Variants in LEKR1 observed in about 807,000 individuals in gnomAD.
LEKR1 encodes protein LEKR1.
A neutral mutation model predicts 72.4 loss-of-function variants in LEKR1; 59 were observed. The observed-to-expected ratio is 0.82, with a 90% CI of 0.66 to 1.01. The LOEUF is 1.01. Among genes scored for constraint, LEKR1 ranks in the 50% least tolerant of loss-of-function variants. The pLI, the probability that LEKR1 is intolerant of heterozygous loss-of-function variation, is 0.00. For synonymous variants in LEKR1, 257 were observed against 263.2 expected (o/e 0.98, Z 0.23); for missense variants, 728 against 759.2 (o/e 0.96, Z 0.48).
chr3:156,832,244 C>T (rs1399781936), intron 2 of LEKR1, among the ~76,000 whole-genome samples: 2 of 152,166 alleles, frequency 1.3e-5, no homozygotes, highest in African/African-American at 4.8e-5. Flanking sequence ...GTCCTCACTT[C>T]AGGAATCCCT....
At chr3:156,856,510 A>G (rs942358255) in intron 3 of LEKR1, among the ~76,000 whole-genome samples, 1 of 152,094 alleles carries the variant, frequency 6.6e-6, no homozygotes, top group East Asian at 1.9e-4. Context: ...CTGGGATTGC[A>G]TTTACTTTCT....
At chr3:157,026,763 T>C in intron 11 of LEKR1, among the ~76,000 whole-genome samples, 1 of 152,352 alleles carries the variant, frequency 6.6e-6, no homozygotes, top group Non-Finnish European at 1.5e-5. Context: ...GTTGTGCTAA[T>C]ATTTATAACA....
At chr3:157,035,638 C>A (rs1734915164) in intron 12 of LEKR1, among the ~76,000 whole-genome samples, 1 of 152,164 alleles carries the variant, frequency 6.6e-6, no homozygotes, top group Admixed American at 6.5e-5. Context: ...GTGGCTCACA[C>A]CTGTAATCTC....
intron 3 of LEKR1, among the ~76,000 whole-genome samples, chr3:156,894,638 A>T (rs1244292274): frequency 2.9e-4 from 44 of 152,234 alleles, no homozygotes; most frequent in Non-Finnish European, 3.5e-4. Context: ...CCCAACTGCA[A>T]ACTATACTAC....
chr3:156,847,800 T>A (rs763115297), intron 2 of LEKR1, among the ~76,000 whole-genome samples: 2 of 152,246 alleles, frequency 1.3e-5, no homozygotes, highest in Non-Finnish European at 2.9e-5. Context: ...TCTTGTTTTC[T>A]ACATCATAAT....
chr3:156,936,426 A>AAAACACACACAC (rs1725705109), intron 5 of LEKR1, among the ~76,000 whole-genome samples: 1 of 76,898 alleles, frequency 1.3e-5, no homozygotes, highest in African/African-American at 9.3e-5. Flanking sequence ...GTACAATGAG[A>AAAACACACACAC]ACACACACAC....
At chr3:156,879,260 C>T (rs1718990111) in intron 3 of LEKR1, among the ~76,000 whole-genome samples, 2 of 152,100 alleles carry the variant, frequency 1.3e-5, no homozygotes, top group African/African-American at 4.8e-5. Flanking sequence ...GAGGTGGTCT[C>T]AGATGGGGAT....
At chr3:156,853,901 G>C (rs1377262562) in intron 3 of LEKR1, among the ~76,000 whole-genome samples, 1 of 151,950 alleles carries the variant, frequency 6.6e-6, no homozygotes, top group Non-Finnish European at 1.5e-5. Context: ...GGTTTTACCT[G>C]TCAGGGATTC....
intron 6 of LEKR1, among the ~76,000 whole-genome samples, chr3:156,954,561 C>A (rs1727451184): frequency 6.6e-6 from 1 of 152,000 alleles, no homozygotes; most frequent in Admixed American, 6.6e-5. Context: ...GGTCCAGTTT[C>A]AGTTTTCCAC....
At chr3:156,880,404 A>G (rs1719150727) in intron 3 of LEKR1, among the ~76,000 whole-genome samples, 1 of 152,244 alleles carries the variant, frequency 6.6e-6, no homozygotes. Context: ...ATCTAGAAGA[A>G]ATGGATAAAT....
chr3:156,980,766 A>G (rs1284254315), intron 7 of LEKR1, among the ~76,000 whole-genome samples: 2 of 152,200 alleles, frequency 1.3e-5, no homozygotes, highest in African/African-American at 4.8e-5. Flanking sequence ...TTGTGGGCAT[A>G]CCAAGACTTA....
Position 156,992,726 on chromosome 3 carries a change from T to C in LEKR1, c.901T>C (p.Ser301Pro). ...GAAGTTTGAATCCATTATTTCTGAG[T>C]CACAGTATGCATTACCAATTTTTAA... ...KLKFESIISE[S>P]QHTMLLKEKE... Residue 301 changes from serine to proline, a missense_variant, in exon 8 of 13, where the codon TCA (serine) becomes CCA (proline). Ser to Pro is a moderately conservative substitution (Grantham distance 74). Transcript: ENST00000356539. 1.0e-6 allele frequency: 1 copy of C among 958,380 alleles called. No individual in the cohort carries two copies. The highest frequency in any genetic ancestry group is 1.3e-6 in the Non-Finnish European group (1 of 752,282). 59.4% of individuals were successfully genotyped at this position (958,380 alleles called of 1,614,324 possible). A position where few individuals can be genotyped will look rare whatever the true frequency, so the allele number is the denominator to read the frequency against.
intron 7 of LEKR1, among the ~76,000 whole-genome samples, chr3:156,987,585 G>T (rs996319450): frequency 6.6e-6 from 1 of 152,104 alleles, no homozygotes; most frequent in African/African-American, 2.4e-5. Flanking sequence ...AAAAGTCATA[G>T]TTATATTTTG....
intron 12 of LEKR1, among the ~76,000 whole-genome samples, chr3:157,040,150 T>C (rs981774836): frequency 6.6e-6 from 1 of 152,144 alleles, no homozygotes; most frequent in South Asian, 2.1e-4. Context: ...TGAGAAGATA[T>C]ATTGAGAAAT....
rs571432328 is a variant in LEKR1 at position 157,009,241 on chromosome 3, AT to A, written c.1110-2171del. ...TTTAATAATTTATTTAACTCAAACT[AT>A]CCAAAACATTATTTAAATATGTAAT... is the stretch of plus-strand genomic sequence containing the variant. On this transcript the variant is annotated intron_variant, in intron 9 of 12. Coordinates refer to ENST00000356539, the MANE Select transcript of LEKR1 (RefSeq NM_001004316.3). Among the ~76,000 whole-genome samples, 623 of 152,252 alleles carry A rather than the reference AT, an allele frequency of 4.1e-3. 2 individuals carry two copies. Among genetic ancestry groups the A allele is most frequent in the African/African-American group, 0.014 (600 of 41,582 alleles).
At chr3:156,980,480 G>T (rs193044390) in intron 7 of LEKR1, among the ~76,000 whole-genome samples, 1 of 152,192 alleles carries the variant, frequency 6.6e-6, no homozygotes, top group East Asian at 1.9e-4. Flanking sequence ...TTGGTGGACG[G>T]GGGTCCTTAG....
intron 12 of LEKR1, among the ~76,000 whole-genome samples, chr3:157,042,856 T>A (rs944509577): frequency 6.6e-6 from 1 of 152,162 alleles, no homozygotes; most frequent in Non-Finnish European, 1.5e-5. Context: ...ATTAGTGATA[T>A]TTTTATACTA....
intron 6 of LEKR1, among the ~76,000 whole-genome samples, chr3:156,949,357 T>C (rs992709977): frequency 6.6e-6 from 1 of 151,634 alleles, no homozygotes; most frequent in Middle Eastern, 3.2e-3. Flanking sequence ...AAGGAAGGGG[T>C]CTAGTTTCAG....
intron 3 of LEKR1, among the ~76,000 whole-genome samples, chr3:156,886,199 T>G (rs1396881626): frequency 6.6e-6 from 1 of 152,038 alleles, no homozygotes; most frequent in Admixed American, 6.6e-5. Flanking sequence ...CTTGGCTGCC[T>G]CTGATGCATA....
Sources: allele counts gnomAD v4.1 joint callset (sites outside exome capture counted in the v4.1 genomes callset), GRCh38; gene constraint gnomAD v4.1.1; transcripts MANE v1.5; gene names NCBI Gene and HGNC (gene_info 2026-07-23, HGNC 2026-07-21).